PEMT: variants seen among roughly 807,000 people sequenced by gnomAD.
The protein encoded by PEMT is phospholipid methyltransferase.
A neutral mutation model predicts 27.4 loss-of-function variants in PEMT; 23 were observed. The ratio of observed to expected loss-of-function variants is 0.84; its 90% CI spans 0.60 to 1.19. The LOEUF (loss-of-function observed/expected upper bound fraction) is 1.19. Among genes scored for constraint, PEMT ranks in the 50% most tolerant of loss-of-function variants. PEMT has a pLI of 0.00. For synonymous variants in PEMT, 137 were observed against 139.1 expected (o/e 0.98, Z 0.11); for missense variants, 307 against 310.1 (o/e 0.99, Z 0.07).
At chr17:17,572,717 T>A (rs7210045) in intron 2 of PEMT, among the ~76,000 whole-genome samples, 10,086 of 152,342 alleles carry the variant, frequency 0.066, 862 homozygotes, top group African/African-American at 0.19. Flanking sequence ...GCACAGTAGA[T>A]GCTCAATAAA....
chr17:17,528,475 C>T (rs571638391), intron 2 of PEMT, among the ~76,000 whole-genome samples: 6 of 152,362 alleles, frequency 3.9e-5, no homozygotes, highest in East Asian at 1.9e-4. Flanking sequence ...GATACATCAG[C>T]GCTCCGAGGC....
intron 1 of PEMT, among the ~76,000 whole-genome samples, chr17:17,581,951 C>G (rs1912001526): frequency 6.6e-6 from 1 of 152,140 alleles, no homozygotes; most frequent in Non-Finnish European, 1.5e-5. Flanking sequence ...TTCCAAAACC[C>G]CCCTCAGGAG....
At position 17,523,142 on chromosome 17, in the gene PEMT, C is replaced by T. The variant is rs1172941671; in HGVS notation, c.205-747G>A. Among the ~76,000 whole-genome samples the T allele has an allele frequency of 1.3e-5, 2 of 152,016 alleles. No individual in the cohort carries two copies. The highest frequency in any genetic ancestry group is 6.6e-5 in the Admixed American group (1 of 15,264). On this transcript the variant is annotated intron_variant, in intron 2 of 6. Coordinates refer to ENST00000255389, the MANE Select transcript of PEMT (RefSeq NM_148172.3). The surrounding 1 kb of genome is among the most constrained non-coding windows in gnomAD (Gnocchi z 4.8). ...CTGGCCCAGCACACTGAGGAAGGAA[C>T]GGAGAGGAGGGGAGGGGGCAAGGAG... is the stretch of plus-strand genomic sequence containing the variant.
chr17:17,521,059 G>A (rs972592920), intron 3 of PEMT, among the ~76,000 whole-genome samples: 1 of 152,274 alleles, frequency 6.6e-6, no homozygotes, highest in African/African-American at 2.4e-5. Flanking sequence ...TGCAAGCCAG[G>A]CTGGTCCGAC....
intron 6 of PEMT, 58 bp from the exon 7 acceptor site, chr17:17,505,906 G>T (rs910615281): frequency 3.2e-6 from 5 of 1,546,636 alleles, no homozygotes; most frequent in Non-Finnish European, 3.5e-6. Flanking sequence ...CCCACTGCCC[G>T]CACCAGAGCT....
intron 2 of PEMT, among the ~76,000 whole-genome samples, chr17:17,527,346 T>A (rs1299576338): frequency 6.6e-6 from 1 of 152,322 alleles, no homozygotes; most frequent in East Asian, 1.9e-4. Flanking sequence ...GAGGGTAGAA[T>A]TTTTAAATCC....
intron 2 of PEMT, among the ~76,000 whole-genome samples, chr17:17,550,801 C>G (rs9907435): frequency 1.5e-3 from 223 of 152,320 alleles, no homozygotes; most frequent in African/African-American, 5.2e-3. Context: ...ACTTAGATGT[C>G]CAGTTCACTG....
chr17:17,554,515 C>A (rs1022152940), intron 2 of PEMT, among the ~76,000 whole-genome samples: 2 of 152,274 alleles, frequency 1.3e-5, no homozygotes, highest in Non-Finnish European at 2.9e-5. Context: ...CAAACGTGAG[C>A]TGCGAGCGGC....
At chr17:17,510,745 CCT>C (rs1190721418) in intron 4 of PEMT, among the ~76,000 whole-genome samples, 1 of 152,194 alleles carries the variant, frequency 6.6e-6, no homozygotes, top group Admixed American at 6.5e-5. Flanking sequence ...TCCTTCCCTC[CCT>C]CTGACTGTCC....
At chr17:17,505,960 C>G (rs995236231) in intron 6 of PEMT, 112 bp from the exon 7 acceptor site, 1 of 1,419,570 alleles carries the variant, frequency 7.0e-7, no homozygotes, top group African/African-American at 1.4e-5. Flanking sequence ...ACCGGGATCC[C>G]CTTCATCCCC....
At chr17:17,591,159 C>T (rs911706707) in intron 1 of PEMT, among the ~76,000 whole-genome samples, 38 of 152,338 alleles carry the variant, frequency 2.5e-4, no homozygotes, top group African/African-American at 8.9e-4. Context: ...CATACACACT[C>T]ACACTCACTC....
At chr17:17,583,837 A>AC (rs1176032885) in intron 1 of PEMT, among the ~76,000 whole-genome samples, 2 of 152,034 alleles carry the variant, frequency 1.3e-5, no homozygotes, top group African/African-American at 4.8e-5. Context: ...GGCAGCAAAA[A>AC]CCACCTCATG....
rs1174167961 is a variant in PEMT at position 17,512,593 on chromosome 17, T to A, written c.382A>T (p.Ser128Cys). The change falls in exon 4 of 7, where the codon AGC becomes TGC. Residue 128 changes from serine (S) to cysteine (C), a missense_variant. Ser to Cys is a moderately radical substitution (Grantham distance 112). Coordinates refer to ENST00000255389, the MANE Select transcript of PEMT (RefSeq NM_148172.3). The surrounding 1 kb of genome is among the most constrained non-coding windows in gnomAD (Gnocchi z 6.3). ...AGTCCCAGGAGCGCGAGGCCCAGGC[T>A]GTAGGCCGCGGGGGTGTCCAGGCTC... ...MESLDTPAAY[S>C]LGLALLGLGV... 1 of 1,605,490 alleles carries A rather than the reference T, an allele frequency of 6.2e-7. No individual in the cohort carries two copies. Among genetic ancestry groups the A allele is most frequent in the Admixed American group, 1.7e-5 (1 of 59,302 alleles).
chr17:17,531,621 C>CAAAAAAAAAAAAAAAAAAAAAAAAAA (rs58165466), intron 2 of PEMT, among the ~76,000 whole-genome samples: 3 of 62,384 alleles, frequency 4.8e-5, no homozygotes, highest in African/African-American at 5.7e-5. Context: ...CTATCATATG[C>CAAAAAAAAAAAAAAAAAAAAAAAAAA]AAAAAAAAAA....
intron 2 of PEMT, among the ~76,000 whole-genome samples, chr17:17,526,902 C>T (rs1210784732): frequency 1.3e-5 from 2 of 152,242 alleles, no homozygotes; most frequent in African/African-American, 4.8e-5. Flanking sequence ...AAGGCCTACA[C>T]CAGCCCAGCT....
At chr17:17,555,189 C>T (rs951669870) in intron 2 of PEMT, among the ~76,000 whole-genome samples, 1 of 152,100 alleles carries the variant, frequency 6.6e-6, no homozygotes, top group African/African-American at 2.4e-5. Flanking sequence ...TCCATGTCAC[C>T]CAGCTGGGAA....
chr17:17,541,972 T>G (rs1365562745), intron 2 of PEMT, among the ~76,000 whole-genome samples: 1 of 151,406 alleles, frequency 6.6e-6, no homozygotes, highest in Non-Finnish European at 1.5e-5. Context: ...CACCTTCCTC[T>G]TTTTTCTTTT....
At chr17:17,547,858 A>G (rs1189914037) in intron 2 of PEMT, among the ~76,000 whole-genome samples, 5 of 152,330 alleles carry the variant, frequency 3.3e-5, no homozygotes, top group East Asian at 1.9e-4. Context: ...AGAACACGCT[A>G]GTGAGGGGCA....
chr17:17,561,312 A>G lies in PEMT; in HGVS notation c.204+15608T>C, dbSNP rs1910456572. On this transcript the variant is annotated intron_variant, in intron 2 of 6. Coordinates refer to ENST00000255389, the MANE Select transcript of PEMT (RefSeq NM_148172.3). The surrounding 1 kb of genome is among the most constrained non-coding windows in gnomAD (Gnocchi z 4.5). ...ACCCTCTTTCACAGTTAAGAACGCC[A>G]AGGCACGAAGCTTAGCACAGTGAAT... is the stretch of plus-strand genomic sequence containing the variant. 6.6e-6 allele frequency among the ~76,000 whole-genome samples: 1 copy of G among 152,208 alleles called. No homozygotes were observed. Among genetic ancestry groups the G allele is most frequent in the Non-Finnish European group, 1.5e-5 (1 of 68,034 alleles).
Sources: gnomAD v4.1 joint callset for allele counts (sites outside exome capture counted in the v4.1 genomes callset) on GRCh38, gnomAD v4.1.1 for gene constraint, Gnocchi (gnomAD v3.1) non-coding constraint, MANE v1.5 for transcripts, NCBI Gene and HGNC (gene_info 2026-07-23, HGNC 2026-07-21) for gene names.